KCNJ6: variants seen among roughly 807,000 people sequenced by gnomAD.
KCNJ6 encodes the protein G protein-activated inward rectifier potassium channel 2.
KCNJ6 carries 9 observed loss-of-function variants against 34.2 expected under a neutral mutation model. That is an observed-to-expected ratio of 0.26 (90% CI 0.16 to 0.46). The LOEUF is 0.46. Among genes scored for constraint, KCNJ6 ranks in the 20% least tolerant of loss-of-function variants. KCNJ6 has a pLI of 1.00. For synonymous variants in KCNJ6, 196 were observed against 207.1 expected (o/e 0.95, Z 0.46); for missense variants, 236 against 531.3 (o/e 0.44, Z 5.46).
At chr21:37,765,179 CTGT>C (rs1282929340) in intron 2 of KCNJ6, among the ~76,000 whole-genome samples, 1 of 152,162 alleles carries the variant, frequency 6.6e-6, no homozygotes, top group African/African-American at 2.4e-5. Flanking sequence ...TTGTTTCCGT[CTGT>C]TGTGTCTGCA....
At chr21:37,705,591 G>C (rs1395876525) in intron 3 of KCNJ6, among the ~76,000 whole-genome samples, 2 of 152,162 alleles carry the variant, frequency 1.3e-5, no homozygotes, top group African/African-American at 4.8e-5. Flanking sequence ...TGATTATCTC[G>C]TGGAATCTTT....
At chr21:37,911,035 T>C (rs1222305815) in intron 1 of KCNJ6, among the ~76,000 whole-genome samples, 1 of 151,960 alleles carries the variant, frequency 6.6e-6, no homozygotes, top group African/African-American at 2.4e-5. Flanking sequence ...ATACAGACTC[T>C]TCTTTTAATG....
chr21:37,753,643 T>TA (rs1426377887), intron 2 of KCNJ6, among the ~76,000 whole-genome samples: 5 of 152,300 alleles, frequency 3.3e-5, no homozygotes, highest in Admixed American at 6.5e-5. Flanking sequence ...TCGAAAAGGT[T>TA]AAAAAAGCAT....
At chr21:37,730,988 GA>G (rs2123467455) in intron 2 of KCNJ6, among the ~76,000 whole-genome samples, 1 of 152,318 alleles carries the variant, frequency 6.6e-6, no homozygotes, top group African/African-American at 2.4e-5. Context: ...GTCACTTGCT[GA>G]AGCTTACATG....
At chr21:37,729,335 G>GA (rs1491585303) in intron 2 of KCNJ6, among the ~76,000 whole-genome samples, 33 of 47,492 alleles carry the variant, frequency 6.9e-4, no homozygotes, top group Admixed American at 4.1e-3. Context: ...TCTTCTTTTT[G>GA]GGGGGGGGGG....
chr21:37,631,919 C>CGTATTGGGAAAGGGGAATTTG, intron 3 of KCNJ6, among the ~76,000 whole-genome samples: 1 of 152,022 alleles, frequency 6.6e-6, no homozygotes, highest in Non-Finnish European at 1.5e-5. Flanking sequence ...CTTTTTGGAC[C>CGTATTGGGAAAGGGGAATTTG]GAGTATTGGG....
chr21:37,796,160 G>C (rs2055240706), intron 2 of KCNJ6, among the ~76,000 whole-genome samples: 1 of 152,136 alleles, frequency 6.6e-6, no homozygotes, highest in African/African-American at 2.4e-5. Context: ...CTTTCTCCCT[G>C]CCATTTTTTA....
At chr21:37,659,051 C>G (rs2054476607) in intron 3 of KCNJ6, among the ~76,000 whole-genome samples, 1 of 152,252 alleles carries the variant, frequency 6.6e-6, no homozygotes, top group Non-Finnish European at 1.5e-5. Context: ...AATGAAGTTT[C>G]CCAGCATGGA....
chr21:37,693,949 A>T (rs1200912519), intron 3 of KCNJ6, among the ~76,000 whole-genome samples: 1 of 151,728 alleles, frequency 6.6e-6, no homozygotes, highest in African/African-American at 2.4e-5. Flanking sequence ...AAAAACAAAC[A>T]TTGGAACAAA....
At chr21:37,894,212 G>A (rs2055776696) in intron 1 of KCNJ6, among the ~76,000 whole-genome samples, 1 of 152,144 alleles carries the variant, frequency 6.6e-6, no homozygotes, top group Non-Finnish European at 1.5e-5. Flanking sequence ...TGGAAGTTAG[G>A]TACAGCCTTG....
chr21:37,614,576 G>A lies in KCNJ6; in HGVS notation c.*10583C>T, dbSNP rs1490327550. Reference sequence around the variant, plus strand: ...TGTGTATGCGTGTGTGTATGCATGTGTCTCTGTATGCATGTGTGTGTATGC... The same window carrying A: ...TGTGTATGCGTGTGTGTATGCATGTATCTCTGTATGCATGTGTGTGTATGC... On this transcript the variant is annotated 3_prime_UTR_variant, in exon 4 of 4. Transcript: ENST00000609713. 5.8e-5 allele frequency: 7 copies of A among 120,210 alleles called. 1 individual carries two copies. The highest frequency in any genetic ancestry group is 1.3e-4 in the Non-Finnish European group (7 of 55,894). 7.4% of individuals were successfully genotyped at this position (120,210 alleles called of 1,614,324 possible). A position where few individuals can be genotyped will look rare whatever the true frequency, so the allele number is the denominator to read the frequency against.
At chr21:37,818,621 G>A (rs990949961) in intron 2 of KCNJ6, among the ~76,000 whole-genome samples, 2 of 152,170 alleles carry the variant, frequency 1.3e-5, no homozygotes. Context: ...GATAAGACTC[G>A]TCTCCCCCAA....
intron 1 of KCNJ6, among the ~76,000 whole-genome samples, chr21:37,862,285 G>A (rs1379134645): frequency 3.3e-5 from 5 of 152,122 alleles, no homozygotes; most frequent in Admixed American, 1.3e-4. Flanking sequence ...GGCTGGAGGG[G>A]GTCACTATTT....
At chr21:37,909,524 C>T (rs890067145) in intron 1 of KCNJ6, among the ~76,000 whole-genome samples, 12 of 152,100 alleles carry the variant, frequency 7.9e-5, no homozygotes, top group African/African-American at 2.9e-4. Flanking sequence ...TGCCTCCACA[C>T]CTGGCTGATT....
intron 1 of KCNJ6, among the ~76,000 whole-genome samples, chr21:37,878,210 T>A (rs1439352456): frequency 1.3e-5 from 2 of 151,988 alleles, no homozygotes; most frequent in African/African-American, 4.8e-5. Flanking sequence ...GAATTATTCC[T>A]GAGCATGGAG....
chr21:37,684,589 C>A lies in KCNJ6; in HGVS notation c.946+29622G>T, dbSNP rs148998319. Among the ~76,000 whole-genome samples the A allele has an allele frequency of 1.1e-3, 171 of 152,326 alleles. 1 individual carries two copies. The highest frequency in any genetic ancestry group is 3.8e-3 in the African/African-American group (156 of 41,564). ...CTCAGACTGGTATTTGAAACAGTTACCCTAGCCTAAGGTTAGGAATATTAT... is the reference window on the plus strand; with the variant it reads ...CTCAGACTGGTATTTGAAACAGTTAACCTAGCCTAAGGTTAGGAATATTAT... On this transcript the variant is annotated intron_variant, in intron 3 of 3. Transcript: ENST00000609713.
rs536776260 is a variant in KCNJ6, at chr21:37,793,273, G to A, written c.25+47385C>T. ...TTTCATTTACATATGGAGGAATGGT[G>A]CAGGTTGTGAGTGGGTGTTAATACA... is the stretch of plus-strand genomic sequence containing the variant. On this transcript the variant is annotated intron_variant, in intron 2 of 3. Coordinates refer to ENST00000609713, the MANE Select transcript of KCNJ6 (RefSeq NM_002240.5). Among the ~76,000 whole-genome samples, 11 of 152,302 alleles carry A rather than the reference G, an allele frequency of 7.2e-5. No individual in the cohort carries two copies. The South Asian group carries it at 2.1e-3, about 29-fold the overall frequency.
chr21:37,795,738 A>AC (rs1317221760), intron 2 of KCNJ6, among the ~76,000 whole-genome samples: 1 of 151,570 alleles, frequency 6.6e-6, no homozygotes, highest in Non-Finnish European at 1.5e-5. Context: ...CCGTCTCAAA[A>AC]AAAAAAAAAC....
Position 37,838,632 on chromosome 21 carries a change from C to T in KCNJ6, c.25+2026G>A, listed in dbSNP as rs558039315. On this transcript the variant is annotated intron_variant, in intron 2 of 3. Transcript: ENST00000609713. ...ATTGTGAATTAGTTGATAAGGCCCA[C>T]GGATCCACTGCATATTTGGACAATA... Among the ~76,000 whole-genome samples, 17 of 152,320 alleles carry T rather than the reference C, an allele frequency of 1.1e-4. 1 individual carries two copies. The South Asian group carries it at 3.1e-3, about 28-fold the overall frequency.
Sources: gnomAD v4.1 joint callset for allele counts (sites outside exome capture counted in the v4.1 genomes callset) on GRCh38, gnomAD v4.1.1 for gene constraint, MANE v1.5 for transcripts, NCBI Gene and HGNC (gene_info 2026-07-23, HGNC 2026-07-21) for gene names.